PSENEN: variants seen among roughly 807,000 people sequenced by gnomAD.
PSENEN encodes the protein gamma-secretase subunit PEN-2.
In PSENEN, 4 loss-of-function variants were observed where a neutral mutation model predicts 15.4. The ratio of observed to expected loss-of-function variants is 0.26; its 90% CI spans 0.13 to 0.59. The LOEUF (loss-of-function observed/expected upper bound fraction) is 0.59. Among genes scored for constraint, PSENEN ranks in the 20% least tolerant of loss-of-function variants. The pLI is 0.89. For missense variants in PSENEN, 112 were observed against 120.3 expected (o/e 0.93, Z 0.32); for synonymous variants, 42 against 46.5 (o/e 0.90, Z 0.39).
chr19:35,745,761 C>T (rs1008057979), intron 1 of PSENEN, 61 bp downstream of exon 1: 29 of 746,044 alleles, frequency 3.9e-5, no homozygotes, highest in Middle Eastern at 2.4e-4. Context: ...ATCCAGCCAG[C>T]TTACTAGTGG....
chr19:35,746,949 T>C lies in PSENEN; in HGVS notation c.*102T>C. 3 of 1,240,576 alleles carry C rather than the reference T, an allele frequency of 2.4e-6. No individual in the cohort carries two copies. In the South Asian group the frequency reaches 4.2e-5, roughly 17 times the overall value. The allele number at this position is 1,240,576 out of a possible 1,614,324, so 76.8% of individuals were successfully genotyped here. Reference sequence around the variant, plus strand: ...CCCCTTCTCAAACTCCTAAGACTTGTTTTCATGTCCCACGTTCTCTGCTGA... The same window carrying C: ...CCCCTTCTCAAACTCCTAAGACTTGCTTTCATGTCCCACGTTCTCTGCTGA... On this transcript the variant is annotated 3_prime_UTR_variant, in exon 4 of 4. Transcript: ENST00000587708.
At position 35,746,673 on chromosome 19, in the gene PSENEN, AG is replaced by A. The variant is rs576399566; in HGVS notation, c.167-33del. The A allele has an allele frequency of 1.4e-5, 23 of 1,614,146 alleles. No homozygotes were observed. The South Asian group carries it at 2.5e-4, about 18-fold the overall frequency. ...CTAGGGAAGTCTGGAGAGCAGCCGG[AG>A]GCCAACCCTTCCAGCTTCTGTTTCC... On this transcript the variant is annotated intron_variant, in intron 3 of 3. Transcript: ENST00000587708.
At position 35,747,477 on chromosome 19, in the gene PSENEN, G is replaced by C. The variant is rs1176116827; in HGVS notation, c.*630G>C. 1 of 152,010 alleles carries C rather than the reference G, an allele frequency of 6.6e-6. No homozygotes were observed. Among genetic ancestry groups the C allele is most frequent in the Non-Finnish European group, 1.5e-5 (1 of 67,992 alleles). The allele number at this position is 152,010 out of a possible 1,614,324, so 9.4% of individuals were successfully genotyped here. Reference sequence around the variant, plus strand: ...AAGTTTCCCGTTTTCTGAAGGAAGTGTTGTCTGCAAAAATAAAAATAGTCA... The same window carrying C: ...AAGTTTCCCGTTTTCTGAAGGAAGTCTTGTCTGCAAAAATAAAAATAGTCA... On this transcript the variant is annotated 3_prime_UTR_variant, in exon 4 of 4. Transcript: ENST00000587708.
Position 35,745,960 on chromosome 19 carries a change from G to A in PSENEN, c.30G>A (p.Glu10=), listed in dbSNP as rs751991592. MNLERVSNE[E]KLNLCRKYYL... is the part of the protein sequence containing the mutation. ...ACCTGGAGCGAGTGTCCAATGAGGA[G>A]AAATTGAACCTGTGCCGGAAGTACT... Residue 10 remains glutamate (E), a synonymous_variant, in exon 2 of 4, where the codon GAG becomes GAA. Transcript: ENST00000587708. The A allele has an allele frequency of 1.9e-6, 3 of 1,614,046 alleles. No individual in the cohort carries two copies. The highest frequency in any genetic ancestry group is 4.5e-5 in the East Asian group (2 of 44,900).
chr19:35,746,571 G>A (rs1599733174), intron 3 of PSENEN, 48 bp downstream of exon 3: 1 of 1,600,226 alleles, frequency 6.2e-7, no homozygotes. Context: ...GGGAGAGGGG[G>A]AAGCGGGGAA....
chr19:35,746,107 C>A lies in PSENEN; in HGVS notation c.61+116C>A, dbSNP rs1033789208. On this transcript the variant is annotated intron_variant, in intron 2 of 3. Coordinates refer to ENST00000587708, the MANE Select transcript of PSENEN (RefSeq NM_172341.4). ...CTAAGAGATGAAGGACCTGCGAACG[C>A]CGACTCCTGGATTTGAGTGGGGAGG... 5.6e-6 allele frequency: 6 copies of A among 1,081,048 alleles called. No homozygotes were observed. In the African/African-American group the frequency reaches 7.8e-5, roughly 14 times the overall value. 67.0% of individuals were successfully genotyped at this position (1,081,048 alleles called of 1,614,324 possible).
Position 35,746,754 on chromosome 19 carries a change from C to T in PSENEN, c.213C>T (p.Leu71=), listed in dbSNP as rs545850323. ...GCTTCCTCTTCTGGGTGATAGTGCT[C>T]ACCTCCTGGATCACCATCTTCCAGA... ...AVGFLFWVIV[L]TSWITIFQIY... is the part of the protein sequence containing the mutation. The change falls in exon 4 of 4, where the codon CTC becomes CTT. Residue 71 remains leucine, a synonymous_variant. Coordinates refer to ENST00000587708, the MANE Select transcript of PSENEN (RefSeq NM_172341.4). The T allele has an allele frequency of 8.7e-6, 14 of 1,613,982 alleles. No homozygotes were observed. Among genetic ancestry groups the T allele is most frequent in the South Asian group, 1.1e-5 (1 of 91,070 alleles).
intron 2 of PSENEN, among the ~76,000 whole-genome samples, chr19:35,746,195 G>T (rs1021422523): frequency 6.6e-6 from 1 of 152,194 alleles, no homozygotes; most frequent in Non-Finnish European, 1.5e-5. Context: ...AGAGGAGGGG[G>T]ATTGAGGGCC....
chr19:35,746,632 A>T, intron 3 of PSENEN, 76 bp from the exon 4 acceptor site: 1 of 1,612,372 alleles, frequency 6.2e-7, no homozygotes, highest in Non-Finnish European at 8.5e-7. Flanking sequence ...GCTCTGGGTG[A>T]GAAGGGAAGG....
At chr19:35,746,102 G>T in intron 2 of PSENEN, 111 bp downstream of exon 2, 1 of 1,115,270 alleles carries the variant, frequency 9.0e-7, no homozygotes. Flanking sequence ...AAGGACCTGC[G>T]AACGCCGACT....
In PSENEN at chr19:35,745,900, A is replaced by G. The variant is rs199527545; in HGVS notation, c.-31A>G. 1.7e-5 allele frequency: 28 copies of G among 1,612,758 alleles called. No individual in the cohort carries two copies. Among genetic ancestry groups the G allele is most frequent in the Admixed American group, 3.3e-5 (2 of 59,992 alleles). ...TCAAGGCTTGGGTCTTGCCCCGCAG[A>G]CCCTTGGGACGACCCGGCCCCAGCG... On this transcript the variant is annotated 5_prime_UTR_variant, in exon 2 of 4. Transcript: ENST00000587708.
intron 3 of PSENEN, 85 bp from the exon 4 acceptor site, chr19:35,746,623 C>G: frequency 6.2e-7 from 1 of 1,610,430 alleles, no homozygotes; most frequent in Non-Finnish European, 8.5e-7. Flanking sequence ...AATGTTGGGG[C>G]TCTGGGTGAG....
Position 35,745,970 on chromosome 19 carries a change from C to G in PSENEN, c.40C>G (p.Leu14Val). Residue 14 changes from leucine to valine, a missense_variant, in exon 2 of 4, where the codon CTG becomes GTG. Coordinates refer to ENST00000587708, the MANE Select transcript of PSENEN (RefSeq NM_172341.4). ...ERVSNEEKLN[L>V]CRKYYLGGFA... is the part of the protein sequence containing the mutation. The stretch of plus-strand genomic sequence containing the variant: ...AGTGTCCAATGAGGAGAAATTGAAC[C>G]TGTGCCGGAAGTACTACCTGGGTAA... The G allele has an allele frequency of 6.2e-7, 1 of 1,614,120 alleles. No individual in the cohort carries two copies.
rs202186580 is a variant in PSENEN, at chr19:35,746,692, C to G, written c.167-16C>G. Reference sequence around the variant, plus strand: ...AGCCGGAGGCCAACCCTTCCAGCTTCTGTTTCCCATGACAGATGTCTGGCG... The same window carrying G: ...AGCCGGAGGCCAACCCTTCCAGCTTGTGTTTCCCATGACAGATGTCTGGCG... On this transcript the variant is annotated splice_polypyrimidine_tract_variant and intron_variant, in intron 3 of 3. Transcript: ENST00000587708. 41 of 1,614,088 alleles carry G rather than the reference C, an allele frequency of 2.5e-5. No individual in the cohort carries two copies. The Admixed American group carries it at 4.3e-4, about 17-fold the overall frequency.
Position 35,746,896 on chromosome 19 carries a change from C to CTCTGCT in PSENEN, c.*50_*51insCTGCTT, listed in dbSNP as rs1433941588. The stretch of plus-strand genomic sequence containing the variant: ...CTGCTTATTCTCCCAGGACAGGCTC[C>CTCTGCT]TTAAAGCAGAGGAGCCTGTCCTGGG... On this transcript the variant is annotated 3_prime_UTR_variant, in exon 4 of 4. Transcript: ENST00000587708. The CTCTGCT allele has an allele frequency of 2.5e-6, 4 of 1,596,094 alleles. No individual in the cohort carries two copies. Among genetic ancestry groups the CTCTGCT allele is most frequent in the Non-Finnish European group, 2.6e-6 (3 of 1,170,418 alleles).
intron 2 of PSENEN, 27 bp from the exon 3 acceptor site, chr19:35,746,392 T>G (rs201325989): frequency 1.0e-5 from 16 of 1,556,134 alleles, no homozygotes; most frequent in Middle Eastern, 1.7e-4. Flanking sequence ...TTTTGGGGTT[T>G]GTTTGTTTGT....
Position 35,747,343 on chromosome 19 carries a change from G to A in PSENEN, c.*496G>A, listed in dbSNP as rs1314588545. ...GCTGTTATCCTGTACTGGTAGTCGTGAATTCAAAAATATAACTTTCCTACT... is the reference window on the plus strand; with the variant it reads ...GCTGTTATCCTGTACTGGTAGTCGTAAATTCAAAAATATAACTTTCCTACT... On this transcript the variant is annotated 3_prime_UTR_variant, in exon 4 of 4. Coordinates refer to ENST00000587708, the MANE Select transcript of PSENEN (RefSeq NM_172341.4). 1 of 150,390 alleles carries A rather than the reference G, an allele frequency of 6.6e-6. No homozygotes were observed. Among genetic ancestry groups the A allele is most frequent in the Non-Finnish European group, 1.5e-5 (1 of 68,016 alleles). 9.3% of individuals were successfully genotyped at this position (150,390 alleles called of 1,614,324 possible).
chr19:35,746,543 G>A lies in PSENEN; in HGVS notation c.166+20G>A. 3 of 1,608,558 alleles carry A rather than the reference G, an allele frequency of 1.9e-6. No individual in the cohort carries two copies. Among genetic ancestry groups the A allele is most frequent in the East Asian group, 4.5e-5 (2 of 44,854 alleles). ...AAGGCTGTGAGTCTAGAGCACAGAG[G>A]AGGGAGGCCAGTGGCAGGGGAGAGG... is the stretch of plus-strand genomic sequence containing the variant. On this transcript the variant is annotated intron_variant, in intron 3 of 3. Transcript: ENST00000587708.
chr19:35,745,838 C>T lies in PSENEN; in HGVS notation c.-93C>T. The T allele has an allele frequency of 7.4e-6, 9 of 1,208,916 alleles. No homozygotes were observed. Among genetic ancestry groups the T allele is most frequent in the Middle Eastern group, 1.9e-4 (1 of 5,286 alleles). 74.9% of individuals were successfully genotyped at this position (1,208,916 alleles called of 1,614,324 possible). A position where few individuals can be genotyped will look rare whatever the true frequency, so the allele number is the denominator to read the frequency against. ...TATCTCTGATTTGTTCTAATAGGGG[C>T]GTGGTTGTTCGTGATCCTTGCATCT... On this transcript the variant is annotated 5_prime_UTR_variant, in exon 2 of 4. Coordinates refer to ENST00000587708, the MANE Select transcript of PSENEN (RefSeq NM_172341.4).
Sources: allele counts gnomAD v4.1 joint callset (sites outside exome capture counted in the v4.1 genomes callset), GRCh38; gene constraint gnomAD v4.1.1; transcripts MANE v1.5; gene names NCBI Gene and HGNC (gene_info 2026-07-23, HGNC 2026-07-21).